MSRA: variants seen among roughly 807,000 people sequenced by gnomAD.
MSRA encodes the protein mitochondrial peptide methionine sulfoxide reductase.
MSRA carries 54 observed loss-of-function variants against 31.3 expected under a neutral mutation model. The observed-to-expected ratio is 1.73, with a 90% CI of 1.39 to 2.17. MSRA has a LOEUF of 2.17. MSRA is among the 30% of genes most tolerant of loss of function. The probability of loss-of-function intolerance (pLI) is 0.00; values close to 1 mark genes in which losing one functional copy is unlikely to be tolerated. For synonymous variants in MSRA, 169 were observed against 116.5 expected (o/e 1.45, Z -2.90); for missense variants, 507 against 300.9 (o/e 1.69, Z -5.07).
At chr8:10,082,701 A>G (rs1299214992) in intron 1 of MSRA, among the ~76,000 whole-genome samples, 1 of 152,090 alleles carries the variant, frequency 6.6e-6, no homozygotes. Context: ...ACCGGGCTTG[A>G]GGGGTCCCTC....
intron 1 of MSRA, among the ~76,000 whole-genome samples, chr8:10,166,887 C>T (rs1023779711): frequency 4.6e-5 from 7 of 152,118 alleles, no homozygotes; most frequent in African/African-American, 1.2e-4. Flanking sequence ...GCCCCCATAC[C>T]CCTAATTAAA....
chr8:10,314,305 T>C (rs1462178825), intron 4 of MSRA, among the ~76,000 whole-genome samples: 3 of 151,940 alleles, frequency 2.0e-5, no homozygotes, highest in Non-Finnish European at 2.9e-5. Context: ...AAAAATAGAC[T>C]TAAATGTATG....
rs188054075 is a variant in MSRA at position 10,335,229 on chromosome 8, C to T, written c.543+15240C>T. Among the ~76,000 whole-genome samples the T allele has an allele frequency of 8.7e-5, 13 of 149,096 alleles. No homozygotes were observed. The East Asian group carries it at 2.4e-3, about 27-fold the overall frequency. ...GGAAAGTGAGCCACCTTTTCCTTCA[C>T]CCTTAACACCTCCCAGCTCTGTTTT... is the stretch of plus-strand genomic sequence containing the variant. On this transcript the variant is annotated intron_variant, in intron 5 of 5. Coordinates refer to ENST00000317173, the MANE Select transcript of MSRA (RefSeq NM_012331.5).
At chr8:10,415,910 C>G (rs558073177) in intron 5 of MSRA, among the ~76,000 whole-genome samples, 1 of 152,184 alleles carries the variant, frequency 6.6e-6, no homozygotes, top group South Asian at 2.1e-4. Context: ...TCCATGCCCT[C>G]AAAGGACTGT....
intron 1 of MSRA, among the ~76,000 whole-genome samples, chr8:10,191,682 G>A (rs1444089941): frequency 6.6e-6 from 1 of 151,752 alleles, no homozygotes; most frequent in Admixed American, 6.6e-5. Flanking sequence ...AATGGGTCAT[G>A]TTCTAGGGGT....
intron 5 of MSRA, among the ~76,000 whole-genome samples, chr8:10,339,711 T>C (rs1803296059): frequency 2.0e-5 from 3 of 150,738 alleles, no homozygotes. Flanking sequence ...CCGGCTAATT[T>C]TTTGTATTTT....
chr8:10,408,065 C>G (rs898780389), intron 5 of MSRA, among the ~76,000 whole-genome samples: 5 of 152,088 alleles, frequency 3.3e-5, no homozygotes, highest in African/African-American at 1.2e-4. Context: ...CAAGAGTAAT[C>G]ACGAGACCAG....
chr8:10,065,113 G>C (rs1797393805), intron 1 of MSRA, among the ~76,000 whole-genome samples: 1 of 152,068 alleles, frequency 6.6e-6, no homozygotes, highest in African/African-American at 2.4e-5. Flanking sequence ...GCCCTCTGCA[G>C]GGACTTCTGC....
chr8:10,409,656 C>A (rs1036544551), intron 5 of MSRA, among the ~76,000 whole-genome samples: 1 of 152,220 alleles, frequency 6.6e-6, no homozygotes, highest in East Asian at 1.9e-4. Context: ...TGAATGCATA[C>A]GCAGCATCAC....
chr8:10,197,516 TG>T (rs1006687702), intron 1 of MSRA, among the ~76,000 whole-genome samples: 11 of 152,184 alleles, frequency 7.2e-5, no homozygotes, highest in Admixed American at 3.3e-4. Context: ...TGGTGAAGGC[TG>T]GAGAGAGGGC....
At chr8:10,183,715 T>C (rs1806753083) in intron 1 of MSRA, among the ~76,000 whole-genome samples, 1 of 151,786 alleles carries the variant, frequency 6.6e-6, no homozygotes, top group Non-Finnish European at 1.5e-5. Flanking sequence ...TACAGAGGCA[T>C]AGTGTTTTTC....
chr8:10,215,228 G>T (rs190946300), intron 2 of MSRA, among the ~76,000 whole-genome samples: 1 of 152,192 alleles, frequency 6.6e-6, no homozygotes, highest in African/African-American at 2.4e-5. Flanking sequence ...CCACAAAAAG[G>T]TTATGGAGGA....
chr8:10,118,713 G>C (rs1027706377), intron 1 of MSRA, among the ~76,000 whole-genome samples: 9 of 152,098 alleles, frequency 5.9e-5, no homozygotes, highest in African/African-American at 2.2e-4. Flanking sequence ...GAGGACGCCT[G>C]GCCTCATCTT....
chr8:10,375,863 G>C (rs1485406639), intron 5 of MSRA, among the ~76,000 whole-genome samples: 1 of 152,158 alleles, frequency 6.6e-6, no homozygotes, highest in Non-Finnish European at 1.5e-5. Context: ...GAATTCCCCC[G>C]ACCCGACTTC....
At chr8:10,259,725 C>T (rs1476810936) in intron 3 of MSRA, among the ~76,000 whole-genome samples, 3 of 152,198 alleles carry the variant, frequency 2.0e-5, no homozygotes, top group African/African-American at 7.2e-5. Flanking sequence ...GGAAAGCAGT[C>T]CAGGCGTGTG....
At chr8:10,247,155 G>T (rs1015674980) in intron 3 of MSRA, among the ~76,000 whole-genome samples, 1 of 152,198 alleles carries the variant, frequency 6.6e-6, no homozygotes, top group African/African-American at 2.4e-5. Context: ...TTAAACTCAT[G>T]CTATATGCCA....
chr8:10,368,243 T>C (rs1805278624), intron 5 of MSRA, among the ~76,000 whole-genome samples: 1 of 152,244 alleles, frequency 6.6e-6, no homozygotes, highest in Non-Finnish European at 1.5e-5. Context: ...TAAAATACTT[T>C]TAACGCATTT....
At chr8:10,414,054 C>T (rs1187103429) in intron 5 of MSRA, among the ~76,000 whole-genome samples, 2 of 152,070 alleles carry the variant, frequency 1.3e-5, no homozygotes, top group South Asian at 2.1e-4. Context: ...GTAGTCCCTG[C>T]TACTTGCGAG....
chr8:10,087,172 C>G (rs548452920), intron 1 of MSRA, among the ~76,000 whole-genome samples: 4 of 152,086 alleles, frequency 2.6e-5, no homozygotes, highest in Non-Finnish European at 5.9e-5. Flanking sequence ...TTCTGATGTG[C>G]CTCTATATTT....
Sources: allele counts gnomAD v4.1 joint callset (sites outside exome capture counted in the v4.1 genomes callset), GRCh38; gene constraint gnomAD v4.1.1; transcripts MANE v1.5; gene names NCBI Gene and HGNC (gene_info 2026-07-23, HGNC 2026-07-21).